Variants in CLIP4 observed in about 807,000 individuals in gnomAD.
CLIP4 encodes CAP-Gly domain containing linker protein family member 4.
CLIP4 carries 47 observed loss-of-function variants against 73.1 expected under a neutral mutation model. The observed-to-expected ratio is 0.64, with a 90% confidence interval of 0.51 to 0.82. The LOEUF (loss-of-function observed/expected upper bound fraction) is 0.82, where lower values mean the gene tolerates loss of function less well. Ranked by LOEUF, CLIP4 falls within the 40% of genes least tolerant of loss-of-function variation. The pLI, the probability that CLIP4 is intolerant of heterozygous loss-of-function variation, is 0.00. For missense variants in CLIP4, 874 were observed against 852.9 expected, an observed-to-expected ratio of 1.02 and a Z score of -0.31; for synonymous variants, 306 against 295.4, an observed-to-expected ratio of 1.04 and a Z score of -0.37.
chr2:29,108,264 T>C (rs188605633), intron 1 of CLIP4, among the ~76,000 whole-genome samples: 1 of 152,348 alleles, frequency 6.6e-6, no homozygotes, highest in East Asian at 1.9e-4. Flanking sequence ...ATCACTACTT[T>C]TGTGCTTTGT....
chr2:29,175,493 G>C (rs951857010), intron 15 of CLIP4: 3 of 152,224 alleles, frequency 2.0e-5, no homozygotes, highest in African/African-American at 4.8e-5. Context: ...GGATTCTGAA[G>C]GGGGAGAGGT....
chr2:29,125,179 C>T (rs940097201), intron 2 of CLIP4, among the ~76,000 whole-genome samples: 1 of 152,180 alleles, frequency 6.6e-6, no homozygotes. Context: ...CCTGAACCCC[C>T]TGGCTACGGA....
intron 11 of CLIP4, among the ~76,000 whole-genome samples, chr2:29,159,051 G>A (rs190656329): frequency 4.4e-4 from 67 of 152,274 alleles, no homozygotes; most frequent in African/African-American, 1.5e-3. Context: ...ACCACTTACT[G>A]GCTGTTAACA....
intron 2 of CLIP4, among the ~76,000 whole-genome samples, chr2:29,122,413 T>C (rs1053280104): frequency 6.6e-6 from 1 of 152,124 alleles, no homozygotes; most frequent in African/African-American, 2.4e-5. Context: ...ACCTTGAACC[T>C]TGTGCATTGT....
At chr2:29,163,374 T>A (rs930351875) in intron 12 of CLIP4, among the ~76,000 whole-genome samples, 5 of 152,178 alleles carry the variant, frequency 3.3e-5, no homozygotes, top group African/African-American at 1.2e-4. Flanking sequence ...CTTTAATTAT[T>A]TGAGCACTGT....
At chr2:29,122,035 G>A (rs1664282874) in intron 2 of CLIP4, among the ~76,000 whole-genome samples, 1 of 152,126 alleles carries the variant, frequency 6.6e-6, no homozygotes, top group East Asian at 1.9e-4. Context: ...AGGGAACCAG[G>A]AGATAAATTT....
At position 29,143,579 on chromosome 2, in the gene CLIP4, G is replaced by A. The variant is rs764286081; in HGVS notation, c.649-130G>A. ...AGAATGGTGTCTGCATATTGTAGGC[G>A]TTCAGGAAATGTTTTTGAATAAACA... On this transcript the variant is annotated intron_variant, in intron 6 of 15. Coordinates refer to ENST00000320081, the MANE Select transcript of CLIP4 (RefSeq NM_024692.6). The A allele has an allele frequency of 1.2e-4, 82 of 684,542 alleles. No homozygotes were observed. In the Middle Eastern group the frequency reaches 1.6e-3, roughly 13 times the overall value. 42.4% of individuals were successfully genotyped at this position (684,542 alleles called of 1,614,324 possible).
intron 2 of CLIP4, chr2:29,130,159 C>T: frequency 2.2e-6 from 1 of 445,566 alleles, no homozygotes; most frequent in Non-Finnish European, 4.8e-6. Flanking sequence ...GAGAGAGCAG[C>T]CAGTGCTGCG....
chr2:29,181,788 C>T lies in CLIP4; in HGVS notation c.2013C>T (p.Asp671=), dbSNP rs773428387. The part of the protein sequence containing the change: ...AKGKNDGSVG[D]KRYFTCKPNH... ...GAAAAAATGATGGGTCAGTGGGTGA[C>T]AAGCGCTATTTCACCTGTAAGCCGA... The change falls in exon 16 of 16, where the codon GAC becomes GAT. Residue 671 remains aspartate (D), a synonymous_variant. Coordinates refer to ENST00000320081, the MANE Select transcript of CLIP4 (RefSeq NM_024692.6). 6.2e-7 allele frequency: 1 copy of T among 1,614,074 alleles called. No homozygotes were observed. The highest frequency in any genetic ancestry group is 1.7e-5 in the Admixed American group (1 of 60,004).
At chr2:29,136,125 T>G (rs1338013929) in intron 6 of CLIP4, among the ~76,000 whole-genome samples, 1 of 152,060 alleles carries the variant, frequency 6.6e-6, no homozygotes, top group Non-Finnish European at 1.5e-5. Flanking sequence ...ATAGTAAAAT[T>G]TCACTAATTT....
chr2:29,159,854 TC>T (rs1345675119), intron 11 of CLIP4, among the ~76,000 whole-genome samples: 2 of 152,242 alleles, frequency 1.3e-5, no homozygotes, highest in African/African-American at 4.8e-5. Context: ...TAAATAAAGT[TC>T]TTTGGAATGC....
At chr2:29,167,417 C>A in intron 13 of CLIP4, 59 bp from the exon 14 acceptor site, 1 of 1,198,196 alleles carries the variant, frequency 8.3e-7, no homozygotes, top group Non-Finnish European at 1.2e-6. Context: ...TAGTTGATAA[C>A]CAGTCTTAAA....
At chr2:29,117,581 C>T (rs186595744) in intron 1 of CLIP4, among the ~76,000 whole-genome samples, 2 of 152,354 alleles carry the variant, frequency 1.3e-5, no homozygotes, top group African/African-American at 4.8e-5. Flanking sequence ...ATCTGCCCAT[C>T]TCGGCCTCCC....
intron 6 of CLIP4, among the ~76,000 whole-genome samples, chr2:29,142,309 T>G (rs1271597872): frequency 7.7e-6 from 1 of 129,716 alleles, no homozygotes; most frequent in Admixed American, 7.5e-5. Flanking sequence ...ATTATTTAGG[T>G]TTTTTTTTTT....
At chr2:29,180,228 G>A (rs1392283478) in intron 15 of CLIP4, among the ~76,000 whole-genome samples, 4 of 152,252 alleles carry the variant, frequency 2.6e-5, no homozygotes, top group East Asian at 1.9e-4. Flanking sequence ...CTTTCTGGCC[G>A]TTTTAGAAGG....
chr2:29,171,385 T>C (rs79625185), intron 14 of CLIP4, among the ~76,000 whole-genome samples: 1,904 of 152,298 alleles, frequency 0.013, 36 homozygotes, highest in African/African-American at 0.043. Context: ...CATAATAATA[T>C]ATATTTTTTT....
chr2:29,160,619 A>G, intron 12 of CLIP4, 152 bp downstream of exon 12: 1 of 879,604 alleles, frequency 1.1e-6, no homozygotes, highest in Non-Finnish European at 1.7e-6. Context: ...ATGATGATGA[A>G]AACTCAGACT....
intron 8 of CLIP4, among the ~76,000 whole-genome samples, chr2:29,146,837 G>T (rs1396673992): frequency 6.6e-6 from 1 of 152,208 alleles, no homozygotes; most frequent in Non-Finnish European, 1.5e-5. Context: ...AATTAAATGT[G>T]TTGGTAAAAG....
In CLIP4 at chr2:29,167,429, C is replaced by T. The variant is rs200922265; in HGVS notation, c.1659-47C>T. On this transcript the variant is annotated intron_variant, in intron 13 of 15. Coordinates refer to ENST00000320081, the MANE Select transcript of CLIP4 (RefSeq NM_024692.6). ...ACTTAGTTGATAACCAGTCTTAAACCTGAAGACCAGCTACTTCTAACGAGA... is the reference window on the plus strand; with the variant it reads ...ACTTAGTTGATAACCAGTCTTAAACTTGAAGACCAGCTACTTCTAACGAGA... 1.5e-5 allele frequency: 21 copies of T among 1,421,988 alleles called. No homozygotes were observed. In the African/African-American group the frequency reaches 1.6e-4, roughly 11 times the overall value. The allele number at this position is 1,421,988 out of a possible 1,614,324, so 88.1% of individuals were successfully genotyped here.
Sources: gnomAD v4.1 joint callset for allele counts (sites outside exome capture counted in the v4.1 genomes callset) on GRCh38, gnomAD v4.1.1 for gene constraint, MANE v1.5 for transcripts, NCBI Gene and HGNC (gene_info 2026-07-23, HGNC 2026-07-21) for gene names.